The following ADAM21 variants were observed in gnomAD, a reference collection of about 807,000 sequenced individuals.
ADAM21 encodes ADAM metallopeptidase domain 21.
For missense variants in ADAM21, 678 were observed against 874.4 expected, an observed-to-expected ratio of 0.78 and a Z score of 2.83; for synonymous variants, 262 against 306.0, an observed-to-expected ratio of 0.86 and a Z score of 1.50.
intron 1 of ADAM21, among the ~76,000 whole-genome samples, chr14:70,454,952 A>C (rs1300178512): frequency 6.6e-6 from 1 of 152,192 alleles, no homozygotes; most frequent in East Asian, 1.9e-4. Flanking sequence ...GCTGTGGAGA[A>C]CAGGAACTCT....
chr14:70,459,393 C>T lies in ADAM21; in HGVS notation c.1894C>T (p.His632Tyr), dbSNP rs1276328843. ...KKCVSLSVLS[H>Y]VCLPETCNMK... ...GTGTGTCAGTCTGTCTGTCTTGTCA[C>T]ATGTCTGCCTTCCTGAGACCTGCAA... The change falls in exon 2 of 2, where the codon CAT (histidine) becomes TAT (tyrosine). Residue 632 changes from histidine to tyrosine, a missense_variant. Coordinates refer to ENST00000603540, the MANE Select transcript of ADAM21 (RefSeq NM_003813.4). 6.2e-7 allele frequency: 1 copy of T among 1,614,250 alleles called. No homozygotes were observed. The highest frequency in any genetic ancestry group is 8.5e-7 in the Non-Finnish European group (1 of 1,180,040).
intron 1 of ADAM21, among the ~76,000 whole-genome samples, chr14:70,455,240 A>T (rs1408236995): frequency 2.6e-5 from 4 of 152,164 alleles, no homozygotes; most frequent in Non-Finnish European, 4.4e-5. Flanking sequence ...AATCCAGGAG[A>T]TGATTGGTGT....
chr14:70,458,942 T>C lies in ADAM21; in HGVS notation c.1443T>C (p.Ser481=), dbSNP rs778781022. The C allele has an allele frequency of 5.0e-5, 80 of 1,613,770 alleles. 2 individuals carry two copies. Among genetic ancestry groups the C allele is most frequent in the South Asian group, 3.3e-4 (30 of 90,886 alleles). ...TTCCAGAATGGTGCAATGGAACATC[T>C]CATCAGTGTCCAGAAGATAGATATG... ...CDLPEWCNGT[S]HQCPEDRYVQ... Residue 481 remains serine, a synonymous_variant, in exon 2 of 2, where the codon TCT becomes TCC. Coordinates refer to ENST00000603540, the MANE Select transcript of ADAM21 (RefSeq NM_003813.4).
Position 70,458,340 on chromosome 14 carries a change from C to T in ADAM21, c.841C>T (p.Gln281Ter), listed in dbSNP as rs747379396. Residue 281 changes from glutamine to a stop codon, truncating the protein, a stop_gained, in exon 2 of 2, where the codon CAA (glutamine) becomes TAA (stop). Coordinates refer to ENST00000603540, the MANE Select transcript of ADAM21 (RefSeq NM_003813.4). LOFTEE classifies it low-confidence loss of function (END_TRUNC). ...AGAACAGGTCCTGAACGATTTCTCT[C>T]AATGGAAACAAATCAGTCTTTCCCA... is the stretch of plus-strand genomic sequence containing the variant. ...SIEQVLNDFS[Q>*]WKQISLSQLQ... The T allele has an allele frequency of 1.7e-5, 27 of 1,614,014 alleles. No homozygotes were observed. Among genetic ancestry groups the T allele is most frequent in the African/African-American group, 2.7e-5 (2 of 74,936 alleles).
chr14:70,452,654 C>G (rs892042209), intron 1 of ADAM21, among the ~76,000 whole-genome samples: 1 of 152,218 alleles, frequency 6.6e-6, no homozygotes, highest in Non-Finnish European at 1.5e-5. Context: ...GCGTGAGCCA[C>G]CGCGCCCGGC....
chr14:70,454,481 G>A (rs938630573), intron 1 of ADAM21, among the ~76,000 whole-genome samples: 7 of 152,186 alleles, frequency 4.6e-5, no homozygotes, highest in African/African-American at 1.7e-4. Flanking sequence ...ACTGGTAGCA[G>A]AGCTGAATGG....
intron 1 of ADAM21, among the ~76,000 whole-genome samples, chr14:70,455,970 T>C (rs1882394638): frequency 6.6e-6 from 1 of 152,160 alleles, no homozygotes; most frequent in Non-Finnish European, 1.5e-5. Context: ...TTACAGGGTC[T>C]TTATAGAGGT....
Position 70,459,574 on chromosome 14 carries a change from T to C in ADAM21, c.2075T>C (p.Leu692Ser). Residue 692 changes from leucine to serine, a missense_variant, in exon 2 of 2, where the codon TTG becomes TCG. Coordinates refer to ENST00000603540, the MANE Select transcript of ADAM21 (RefSeq NM_003813.4). ...TTGCCGCTGATTGTGATTCCTTCTTTGTCTGTTTTGACTTTCCTGTTTACT... is the reference window on the plus strand; with the variant it reads ...TTGCCGCTGATTGTGATTCCTTCTTCGTCTGTTTTGACTTTCCTGTTTACT... ...VFLPLIVIPS[L>S]SVLTFLFTVG... The C allele has an allele frequency of 6.2e-7, 1 of 1,614,098 alleles. No homozygotes were observed. The highest frequency in any genetic ancestry group is 1.1e-5 in the South Asian group (1 of 91,084).
Position 70,459,366 on chromosome 14 carries a change from A to T in ADAM21, c.1867A>T (p.Lys623Ter), listed in dbSNP as rs1469258275. 1 of 1,614,216 alleles carries T rather than the reference A, an allele frequency of 6.2e-7. No individual in the cohort carries two copies. The highest frequency in any genetic ancestry group is 8.5e-7 in the Non-Finnish European group (1 of 1,180,024). ...CCCAGGAAAGATCTGCATCCATAAG[A>T]AGTGTGTCAGTCTGTCTGTCTTGTC... ...CGPGKICIHK[K>*]CVSLSVLSHV... The change falls in exon 2 of 2, where the codon AAG (lysine) becomes TAG (stop). Residue 623 changes from lysine to a stop codon, truncating the protein, a stop_gained. Transcript: ENST00000603540. LOFTEE classifies it low-confidence loss of function (END_TRUNC).
intron 1 of ADAM21, among the ~76,000 whole-genome samples, chr14:70,454,049 C>A (rs1463397626): frequency 1.3e-5 from 2 of 152,178 alleles, no homozygotes; most frequent in African/African-American, 2.4e-5. Context: ...TTAACTAATT[C>A]TACTGTGATT....
chr14:70,456,216 CCA>C (rs1212143152), intron 1 of ADAM21, among the ~76,000 whole-genome samples: 1 of 152,142 alleles, frequency 6.6e-6, no homozygotes, highest in Non-Finnish European at 1.5e-5. Flanking sequence ...CTTGCTCCTG[CCA>C]CAGTTTCTGC....
Position 70,458,999 on chromosome 14 carries a change from C to G in ADAM21, c.1500C>G (p.Ala500=). 1 of 1,614,006 alleles carries G rather than the reference C, an allele frequency of 6.2e-7. No homozygotes were observed. Among genetic ancestry groups the G allele is most frequent in the Non-Finnish European group, 8.5e-7 (1 of 1,180,014 alleles). The change falls in exon 2 of 2, where the codon GCC becomes GCG. Residue 500 remains alanine (A), a synonymous_variant. Transcript: ENST00000603540. The stretch of plus-strand genomic sequence containing the variant: ...ACGGGATCCCCTGTAGTGACAGTGC[C>G]TACTGCTATCAAAAGAGGTGTAATA... The part of the protein sequence containing the change: ...VQDGIPCSDS[A]YCYQKRCNNH...
chr14:70,454,132 G>C (rs1381095753), intron 1 of ADAM21, among the ~76,000 whole-genome samples: 7 of 152,192 alleles, frequency 4.6e-5, no homozygotes, highest in Non-Finnish European at 7.3e-5. Context: ...GATTGAGGAG[G>C]TGCAAATGCA....
At chr14:70,456,976 T>C (rs1436330804) in intron 1 of ADAM21, among the ~76,000 whole-genome samples, 5 of 152,166 alleles carry the variant, frequency 3.3e-5, no homozygotes, top group Non-Finnish European at 5.9e-5. Flanking sequence ...GTTTTGATAG[T>C]CAAAGGAGAC....
Position 70,457,372 on chromosome 14 carries a change from G to T in ADAM21, c.-128G>T. ...AGCACTGCAGTTCTGATCTAACTCT[G>T]CCAGGACACAGATCCACAGGGTCAG... On this transcript the variant is annotated 5_prime_UTR_variant, in exon 2 of 2. Coordinates refer to ENST00000603540, the MANE Select transcript of ADAM21 (RefSeq NM_003813.4). The T allele has an allele frequency of 6.9e-7, 1 of 1,447,582 alleles. No homozygotes were observed. The highest frequency in any genetic ancestry group is 1.3e-5 in the South Asian group (1 of 79,250). 89.7% of individuals were successfully genotyped at this position (1,447,582 alleles called of 1,614,324 possible).
rs759538262 is a variant in ADAM21, at chr14:70,456,366, C to T, written c.-151-983C>T. On this transcript the variant is annotated intron_variant, in intron 1 of 1. Coordinates refer to ENST00000603540, the MANE Select transcript of ADAM21 (RefSeq NM_003813.4). The stretch of plus-strand genomic sequence containing the variant: ...AGAAAAAGAAATGGATAAGTGTTGC[C>T]AGCCAGACTGTATGACAGGTGCAGA... Among the ~76,000 whole-genome samples the T allele has an allele frequency of 3.0e-4, 45 of 152,238 alleles. No individual in the cohort carries two copies. In the Middle Eastern group the frequency reaches 0.01, roughly 35 times the overall value.
chr14:70,453,992 AG>A (rs748533283), intron 1 of ADAM21, among the ~76,000 whole-genome samples: 3 of 152,242 alleles, frequency 2.0e-5, no homozygotes, highest in Admixed American at 6.5e-5. Context: ...GGACAAGAAA[AG>A]GAAAAAAACC....
In ADAM21 at chr14:70,459,461, C is replaced by T. The variant is rs763177184; in HGVS notation, c.1962C>T (p.Gly654=). 11 of 1,614,118 alleles carry T rather than the reference C, an allele frequency of 6.8e-6. No individual in the cohort carries two copies. The Admixed American group carries it at 1.5e-4, about 22-fold the overall frequency. Reference sequence around the variant, plus strand: ...ATAACAAACATCACTGCCACTGTGGCTATGGGTGGTCCCCACCCTACTGCC... The same window carrying T: ...ATAACAAACATCACTGCCACTGTGGTTATGGGTGGTCCCCACCCTACTGCC... ...ICNNKHHCHC[G]YGWSPPYCQH... is the part of the protein sequence containing the mutation. Residue 654 remains glycine (G), a synonymous_variant, in exon 2 of 2, where the codon GGC becomes GGT. Coordinates refer to ENST00000603540, the MANE Select transcript of ADAM21 (RefSeq NM_003813.4).
At position 70,457,558 on chromosome 14, in the gene ADAM21, G is replaced by A. The variant is rs1425864099; in HGVS notation, c.59G>A (p.Gly20Glu). 3.1e-6 allele frequency: 5 copies of A among 1,611,478 alleles called. No homozygotes were observed. In the South Asian group the frequency reaches 5.5e-5, roughly 18 times the overall value. The change falls in exon 2 of 2, where the codon GGG (glycine) becomes GAG (glutamate). Residue 20 changes from glycine to glutamate, a missense_variant. Gly to Glu is a moderately conservative substitution (Grantham distance 98). Transcript: ENST00000603540. Reference sequence around the variant, plus strand: ...GTCACTCTTCTGCTGCTCTGGCTTGGGGTATTTTTGTCTATTTCCGGCTAC... The same window carrying A: ...GTCACTCTTCTGCTGCTCTGGCTTGAGGTATTTTTGTCTATTTCCGGCTAC... ...IRVTLLLLWL[G>E]VFLSISGYCQ...
Sources: allele counts gnomAD v4.1 joint callset (sites outside exome capture counted in the v4.1 genomes callset), GRCh38; gene constraint gnomAD v4.1.1; transcripts MANE v1.5; gene names NCBI Gene and HGNC (gene_info 2026-07-23, HGNC 2026-07-21).